Variants in CACNA2D3 observed in about 807,000 individuals in gnomAD.
CACNA2D3 encodes voltage-dependent calcium channel subunit alpha-2/delta-3.
A neutral mutation model predicts 160.6 loss-of-function variants in CACNA2D3; 60 were observed. The ratio of observed to expected loss-of-function variants is 0.37; its 90% CI spans 0.30 to 0.46. The LOEUF (loss-of-function observed/expected upper bound fraction) is 0.46, where lower values mean the gene tolerates loss of function less well. Ranked by LOEUF, CACNA2D3 falls within the 20% of genes least tolerant of loss-of-function variation. The pLI, the probability that CACNA2D3 is intolerant of heterozygous loss-of-function variation, is 1.00. For missense variants in CACNA2D3, 1,205 were observed against 1,365.0 expected (o/e 0.88, Z 1.85); for synonymous variants, 558 against 492.9 (o/e 1.13, Z -1.75).
rs375449879 is a variant in CACNA2D3, at chr3:54,723,292, T to C, written c.1168-29307T>C. ...TCTCAGACTGCTGCTGTGCTGGCAG[T>C]GAGAATTTCAAGCCAGTGGATCTTA... On this transcript the variant is annotated intron_variant, in intron 11 of 37. Coordinates refer to ENST00000474759, the MANE Select transcript of CACNA2D3 (RefSeq NM_018398.3). Among the ~76,000 whole-genome samples, 46 of 146,266 alleles carry C rather than the reference T, an allele frequency of 3.1e-4. No homozygotes were observed. The East Asian group carries it at 8.2e-3, about 26-fold the overall frequency.
intron 4 of CACNA2D3, among the ~76,000 whole-genome samples, chr3:54,393,060 A>G (rs899105094): frequency 2.6e-5 from 4 of 152,180 alleles, no homozygotes; most frequent in Non-Finnish European, 2.9e-5. Flanking sequence ...GGAGTAACAG[A>G]AGCCCTGTAG....
intron 14 of CACNA2D3, among the ~76,000 whole-genome samples, chr3:54,822,723 T>C (rs1269115887): frequency 6.6e-6 from 1 of 152,046 alleles, no homozygotes; most frequent in East Asian, 1.9e-4. Context: ...TTTGCATTTC[T>C]TTTTTATTTT....
chr3:54,417,804 G>T (rs1005410621), intron 4 of CACNA2D3, among the ~76,000 whole-genome samples: 3 of 144,880 alleles, frequency 2.1e-5, no homozygotes, highest in African/African-American at 7.7e-5. Flanking sequence ...GTGGGGGGGG[G>T]GGTGGGGGGG....
chr3:54,830,674 C>T (rs925132114), intron 14 of CACNA2D3, among the ~76,000 whole-genome samples: 2 of 151,986 alleles, frequency 1.3e-5, no homozygotes, highest in African/African-American at 4.8e-5. Context: ...AAGCTGGTCT[C>T]AAACTCCCAA....
intron 11 of CACNA2D3, among the ~76,000 whole-genome samples, chr3:54,655,578 TCTA>T (rs1699862658): frequency 6.6e-6 from 1 of 152,234 alleles, no homozygotes; most frequent in Admixed American, 6.5e-5. Flanking sequence ...ATTAAAGTAT[TCTA>T]CTGCATTTCC....
intron 17 of CACNA2D3, 137 bp downstream of exon 17, chr3:54,846,604 T>A: frequency 1.7e-6 from 1 of 575,742 alleles, no homozygotes; most frequent in Non-Finnish European, 3.1e-6. Context: ...AAGATTGTTA[T>A]AGAGTTTATA....
rs994922538 is a variant in CACNA2D3, at chr3:54,501,762, A to G, written c.382-1730A>G. 3.3e-5 allele frequency among the ~76,000 whole-genome samples: 5 copies of G among 152,196 alleles called. No individual in the cohort carries two copies. The South Asian group carries it at 1.0e-3, about 32-fold the overall frequency. On this transcript the variant is annotated intron_variant, in intron 4 of 37. Transcript: ENST00000474759. Reference sequence around the variant, plus strand: ...TAATGCAGATGAGAATTTCTAAACTATATCATTTTGCTTCTCTCTTAAGAA... The same window carrying G: ...TAATGCAGATGAGAATTTCTAAACTGTATCATTTTGCTTCTCTCTTAAGAA...
intron 3 of CACNA2D3, among the ~76,000 whole-genome samples, chr3:54,342,694 TC>T (rs1698379566): frequency 6.6e-6 from 1 of 152,306 alleles, no homozygotes; most frequent in East Asian, 1.9e-4. Context: ...TGAAAACACC[TC>T]CTGAGTTTCA....
rs117668823 is a variant in CACNA2D3, at chr3:54,137,008, T to C, written c.204+13414T>C. 2.6e-5 allele frequency among the ~76,000 whole-genome samples: 4 copies of C among 152,360 alleles called. No individual in the cohort carries two copies. The East Asian group carries it at 7.7e-4, about 29-fold the overall frequency. Reference sequence around the variant, plus strand: ...CATTCTGGCCTATGCACATCTTGATTGCTGCCCTGTGCACCTCTTCTCTCC... The same window carrying C: ...CATTCTGGCCTATGCACATCTTGATCGCTGCCCTGTGCACCTCTTCTCTCC... On this transcript the variant is annotated intron_variant, in intron 2 of 37. Transcript: ENST00000474759.
At chr3:54,203,656 C>A (rs1276953364) in intron 2 of CACNA2D3, among the ~76,000 whole-genome samples, 2 of 152,052 alleles carry the variant, frequency 1.3e-5, no homozygotes, top group Non-Finnish European at 2.9e-5. Flanking sequence ...ACTGTGTGGC[C>A]CCAGTTCTCC....
chr3:54,170,351 A>G (rs1047703843), intron 2 of CACNA2D3, among the ~76,000 whole-genome samples: 1 of 152,154 alleles, frequency 6.6e-6, no homozygotes, highest in Non-Finnish European at 1.5e-5. Flanking sequence ...ATCAGACCCA[A>G]TAGGAGCAGA....
At chr3:54,356,306 G>A (rs557240866) in intron 3 of CACNA2D3, among the ~76,000 whole-genome samples, 1 of 152,298 alleles carries the variant, frequency 6.6e-6, no homozygotes, top group Admixed American at 6.5e-5. Context: ...TTGTCCATCT[G>A]AAACTCATCG....
intron 27 of CACNA2D3, among the ~76,000 whole-genome samples, chr3:54,933,869 A>T (rs944578261): frequency 2.0e-5 from 3 of 151,880 alleles, no homozygotes; most frequent in African/African-American, 7.3e-5. Context: ...CCCAGGTTCA[A>T]GCAATTCTCC....
At chr3:54,201,211 A>G (rs1341468676) in intron 2 of CACNA2D3, among the ~76,000 whole-genome samples, 1 of 152,232 alleles carries the variant, frequency 6.6e-6, no homozygotes, top group Admixed American at 6.5e-5. Flanking sequence ...CATTGGAATT[A>G]TTTTCACCTG....
chr3:54,944,814 GGTGT>G lies in CACNA2D3; in HGVS notation c.2450-23611_2450-23608del, dbSNP rs34193625. On this transcript the variant is annotated intron_variant, in intron 27 of 37. Coordinates refer to ENST00000474759, the MANE Select transcript of CACNA2D3 (RefSeq NM_018398.3). ...TATATTGACTGTAGTTAGAGCTGGGGGTGTGTGTGTGTGTGTGTGTGTGTGTGTT... is the reference window on the plus strand; with the variant it reads ...TATATTGACTGTAGTTAGAGCTGGGGGTGTGTGTGTGTGTGTGTGTGTGTT... 6.3e-5 allele frequency among the ~76,000 whole-genome samples: 7 copies of G among 111,378 alleles called. No individual in the cohort carries two copies. The Middle Eastern group carries it at 0.014, about 215-fold the overall frequency. 73.1% of individuals were successfully genotyped at this position (111,378 alleles called of 152,430 possible). A position where few individuals can be genotyped will look rare whatever the true frequency, so the allele number is the denominator to read the frequency against.
chr3:55,003,692 G>T (rs917821390), intron 31 of CACNA2D3, among the ~76,000 whole-genome samples: 2 of 152,172 alleles, frequency 1.3e-5, no homozygotes, highest in African/African-American at 4.8e-5. Flanking sequence ...AAATTGAATG[G>T]GATGGAGAGC....
At chr3:54,667,913 C>T (rs1700096083) in intron 11 of CACNA2D3, among the ~76,000 whole-genome samples, 1 of 150,808 alleles carries the variant, frequency 6.6e-6, no homozygotes, top group Non-Finnish European at 1.5e-5. Flanking sequence ...CGTGACTGCA[C>T]TCCAGCCTGG....
chr3:54,964,947 C>T (rs180700107), intron 27 of CACNA2D3, among the ~76,000 whole-genome samples: 12 of 152,070 alleles, frequency 7.9e-5, no homozygotes, highest in African/African-American at 2.4e-4. Flanking sequence ...GGCCCTTTCC[C>T]TAGCACTTCC....
chr3:54,727,612 A>G (rs1276358287), intron 11 of CACNA2D3, among the ~76,000 whole-genome samples: 2 of 152,346 alleles, frequency 1.3e-5, no homozygotes, highest in Non-Finnish European at 1.5e-5. Flanking sequence ...TTGCAGGGAC[A>G]TGGATGAAGC....
Sources: gnomAD v4.1 joint callset for allele counts (sites outside exome capture counted in the v4.1 genomes callset) on GRCh38, gnomAD v4.1.1 for gene constraint, MANE v1.5 for transcripts, NCBI Gene and HGNC (gene_info 2026-07-23, HGNC 2026-07-21) for gene names.